Variants in CAMK2A observed in about 807,000 individuals in gnomAD.
CAMK2A encodes the protein calcium/calmodulin dependent protein kinase II alpha.
Under a neutral mutation model 79.2 loss-of-function variants are expected in CAMK2A, and 7 were observed. The ratio of observed to expected loss-of-function variants is 0.09; its 90% CI spans 0.05 to 0.17. The LOEUF (loss-of-function observed/expected upper bound fraction) is 0.17. Among genes scored for constraint, CAMK2A ranks in the 10% least tolerant of loss-of-function variants. CAMK2A has a pLI of 1.00. For missense variants in CAMK2A, 214 were observed against 646.4 expected (o/e 0.33, Z 7.25); for synonymous variants, 242 against 251.7 (o/e 0.96, Z 0.36).
chr5:150,274,472 G>C (rs534647438), intron 1 of CAMK2A, among the ~76,000 whole-genome samples: 3 of 152,180 alleles, frequency 2.0e-5, no homozygotes, highest in Admixed American at 6.5e-5. Flanking sequence ...CTGGAGTCTA[G>C]ATGCCATTTT....
In CAMK2A at chr5:150,260,535, G is replaced by C. The variant is rs143777221; in HGVS notation, c.218-2918C>G. On this transcript the variant is annotated intron_variant, in intron 3 of 18. Transcript: ENST00000671881. ...GTAGAATCTGGCAATTCTATACCTGGGCCCTGCCCAGAAGCCCTTTGGTAA... is the reference window on the plus strand; with the variant it reads ...GTAGAATCTGGCAATTCTATACCTGCGCCCTGCCCAGAAGCCCTTTGGTAA... Among the ~76,000 whole-genome samples the C allele has an allele frequency of 1.4e-4, 22 of 152,078 alleles. 1 individual carries two copies. Among genetic ancestry groups the C allele is most frequent in the African/African-American group, 4.6e-4 (19 of 41,464 alleles).
chr5:150,289,477 C>A, intron 1 of CAMK2A, 87 bp downstream of exon 1: 1 of 1,023,046 alleles, frequency 9.8e-7, no homozygotes, highest in South Asian at 1.4e-5. Flanking sequence ...GGAATGCTCC[C>A]CAAGCACTGC....
chr5:150,220,756 G>T lies in CAMK2A; in HGVS notation c.*1954C>A, dbSNP rs960571695. 1 of 152,200 alleles carries T rather than the reference G, an allele frequency of 6.6e-6. No individual in the cohort carries two copies. Among genetic ancestry groups the T allele is most frequent in the Admixed American group, 6.5e-5 (1 of 15,268 alleles). 9.4% of individuals were successfully genotyped at this position (152,200 alleles called of 1,614,324 possible). On this transcript the variant is annotated 3_prime_UTR_variant, in exon 19 of 19. Transcript: ENST00000671881. ...AGGTCTCTGCCAAGGACAGAGGCCAGTGATGGACCAGCTTGGAAACCAGGA... is the reference window on the plus strand; with the variant it reads ...AGGTCTCTGCCAAGGACAGAGGCCATTGATGGACCAGCTTGGAAACCAGGA...
chr5:150,242,404 A>C (rs575625941), intron 13 of CAMK2A, among the ~76,000 whole-genome samples: 96 of 152,328 alleles, frequency 6.3e-4, no homozygotes, highest in African/African-American at 2.3e-3. Flanking sequence ...TCCAAGGCCC[A>C]TAAAGGATAA....
intron 13 of CAMK2A, among the ~76,000 whole-genome samples, chr5:150,244,505 A>C (rs900755775): frequency 3.9e-5 from 6 of 152,250 alleles, no homozygotes; most frequent in Admixed American, 1.3e-4. Flanking sequence ...GCAGGGGACC[A>C]GGCCCCAGAG....
chr5:150,254,570 G>C (rs1236223709), intron 6 of CAMK2A, among the ~76,000 whole-genome samples: 1 of 152,152 alleles, frequency 6.6e-6, no homozygotes, highest in African/African-American at 2.4e-5. Flanking sequence ...TGGCCTCTGG[G>C]CATCGAGGCT....
intron 1 of CAMK2A, among the ~76,000 whole-genome samples, chr5:150,282,973 C>T (rs1475183318): frequency 1.3e-5 from 2 of 152,236 alleles, no homozygotes; most frequent in Non-Finnish European, 2.9e-5. Flanking sequence ...TCTACAGAGT[C>T]GGCAGCTCTG....
chr5:150,221,731 G>C lies in CAMK2A; in HGVS notation c.*979C>G. ...TGGCCCCAATAACCACAGGTGACAA[G>C]GTCCACCTCAGAGATGACAAAAAAA... On this transcript the variant is annotated 3_prime_UTR_variant, in exon 19 of 19. Coordinates refer to ENST00000671881, the MANE Select transcript of CAMK2A (RefSeq NM_015981.4). The C allele has an allele frequency of 2.6e-6, 1 of 389,076 alleles. No homozygotes were observed. The highest frequency in any genetic ancestry group is 3.6e-5 in the East Asian group (1 of 27,928). The allele number at this position is 389,076 out of a possible 1,614,324, so 24.1% of individuals were successfully genotyped here. A position where few individuals can be genotyped will look rare whatever the true frequency, so the allele number is the denominator to read the frequency against.
chr5:150,233,474 C>T (rs568580243), intron 15 of CAMK2A, among the ~76,000 whole-genome samples: 1 of 152,308 alleles, frequency 6.6e-6, no homozygotes, highest in South Asian at 2.1e-4. Context: ...GGGAATGAGT[C>T]CATTTTTAGA....
intron 9 of CAMK2A, 139 bp from the exon 10 acceptor site, chr5:150,250,949 CT>C: frequency 4.2e-6 from 4 of 946,094 alleles, no homozygotes; most frequent in Non-Finnish European, 6.4e-6. Flanking sequence ...GGAGTTGGGG[CT>C]CCTCACTGCA....
intron 1 of CAMK2A, among the ~76,000 whole-genome samples, chr5:150,285,014 G>A (rs1004778607): frequency 6.6e-6 from 1 of 152,180 alleles, no homozygotes; most frequent in Non-Finnish European, 1.5e-5. Context: ...AACAGCAAGT[G>A]ATTCACCCAG....
In CAMK2A at chr5:150,256,296, G is replaced by A. The variant is rs918465996; in HGVS notation, c.411+277C>T. Reference sequence around the variant, plus strand: ...CAGCCTGCCTTCTTCCCCACCCACCGTAGCCAGTCATGACAGTATAACTGC... The same window carrying A: ...CAGCCTGCCTTCTTCCCCACCCACCATAGCCAGTCATGACAGTATAACTGC... On this transcript the variant is annotated intron_variant, in intron 6 of 18. Coordinates refer to ENST00000671881, the MANE Select transcript of CAMK2A (RefSeq NM_015981.4). The surrounding 1 kb of genome is among the most constrained non-coding windows in gnomAD (Gnocchi z 4.6). 8.5e-5 allele frequency among the ~76,000 whole-genome samples: 13 copies of A among 152,168 alleles called. No homozygotes were observed. Among genetic ancestry groups the A allele is most frequent in the African/African-American group, 1.4e-4 (6 of 41,518 alleles).
At chr5:150,288,319 A>T (rs1339432496) in intron 1 of CAMK2A, among the ~76,000 whole-genome samples, 1 of 151,954 alleles carries the variant, frequency 6.6e-6, no homozygotes, top group Non-Finnish European at 1.5e-5. Context: ...TCATGTTTAC[A>T]CCCTTGTTCT....
intron 2 of CAMK2A, among the ~76,000 whole-genome samples, chr5:150,268,104 T>A (rs1039104444): frequency 6.6e-6 from 1 of 152,102 alleles, no homozygotes; most frequent in African/African-American, 2.4e-5. Flanking sequence ...GGTCTCGAAC[T>A]CCTGACCTTG....
chr5:150,268,160 C>T (rs1034948116), intron 2 of CAMK2A, among the ~76,000 whole-genome samples: 1 of 152,064 alleles, frequency 6.6e-6, no homozygotes, highest in East Asian at 1.9e-4. Context: ...TTACCGTGCC[C>T]GGACCCACCA....
chr5:150,250,992 C>T (rs548619955), intron 9 of CAMK2A, among the ~76,000 whole-genome samples, 182 bp from the exon 10 acceptor site: 68 of 152,342 alleles, frequency 4.5e-4, no homozygotes, highest in Admixed American at 4.4e-3. Flanking sequence ...CAAATCAGAA[C>T]ACGGCAGAGG....
chr5:150,219,577 A>T lies in CAMK2A; in HGVS notation c.*3133T>A, dbSNP rs1375626801. The T allele has an allele frequency of 3.5e-5, 2 of 57,968 alleles. No homozygotes were observed. Among genetic ancestry groups the T allele is most frequent in the Non-Finnish European group, 6.3e-5 (2 of 31,622 alleles). The allele number at this position is 57,968 out of a possible 1,614,324, so 3.6% of individuals were successfully genotyped here. On this transcript the variant is annotated 3_prime_UTR_variant, in exon 19 of 19. Transcript: ENST00000671881. Reference sequence around the variant, plus strand: ...TCTTCCCATCCCACCCGCCCCCCCCAATAGCAGAAAGTTTGAGCAGTGTTC... The same window carrying T: ...TCTTCCCATCCCACCCGCCCCCCCCTATAGCAGAAAGTTTGAGCAGTGTTC...
chr5:150,248,373 A>T (rs545767755), intron 11 of CAMK2A, among the ~76,000 whole-genome samples: 43 of 149,690 alleles, frequency 2.9e-4, no homozygotes, highest in Non-Finnish European at 5.0e-4. Context: ...TCTAGGGTAC[A>T]TGTGCACAAC....
At chr5:150,235,441 T>A (rs995571722) in intron 15 of CAMK2A, among the ~76,000 whole-genome samples, 1 of 152,230 alleles carries the variant, frequency 6.6e-6, no homozygotes, top group Non-Finnish European at 1.5e-5. Context: ...CCCCTACAGA[T>A]GGGAAAGCCC....
Sources: gnomAD v4.1 joint callset for allele counts (sites outside exome capture counted in the v4.1 genomes callset) on GRCh38, gnomAD v4.1.1 for gene constraint, Gnocchi (gnomAD v3.1) non-coding constraint, MANE v1.5 for transcripts, NCBI Gene and HGNC (gene_info 2026-07-23, HGNC 2026-07-21) for gene names.